The following SNAP91 variants were observed in gnomAD, a reference collection of about 807,000 sequenced individuals.
SNAP91 encodes the protein synaptosome associated protein 91.
SNAP91 carries 27 observed loss-of-function variants against 100.3 expected under a neutral mutation model. That is an observed-to-expected ratio of 0.27 (90% confidence interval 0.20 to 0.37). The LOEUF (loss-of-function observed/expected upper bound fraction) is 0.37. Among genes scored for constraint, SNAP91 ranks in the 10% least tolerant of loss-of-function variants. The pLI, the probability that SNAP91 is intolerant of heterozygous loss-of-function variation, is 1.00. For missense variants in SNAP91, 986 were observed against 1,123.7 expected, an observed-to-expected ratio of 0.88 and a Z score of 1.75; for synonymous variants, 404 against 398.6, an observed-to-expected ratio of 1.01 and a Z score of -0.16.
At chr6:83,561,986 A>T (rs1788578636) in intron 26 of SNAP91, among the ~76,000 whole-genome samples, 1 of 152,200 alleles carries the variant, frequency 6.6e-6, no homozygotes, top group Admixed American at 6.5e-5. Context: ...TAATAGCACC[A>T]CTGTACTTCA....
chr6:83,580,902 A>G (rs59418841), intron 23 of SNAP91, among the ~76,000 whole-genome samples: 6,413 of 152,316 alleles, frequency 0.042, 423 homozygotes, highest in East Asian at 0.19. Flanking sequence ...GACTTTAAGA[A>G]AGTTACTCTC....
intron 8 of SNAP91, among the ~76,000 whole-genome samples, chr6:83,640,520 C>A (rs770347689): frequency 6.6e-6 from 1 of 151,970 alleles, no homozygotes; most frequent in Admixed American, 6.6e-5. Context: ...AGAGAAAATA[C>A]CAATTCACAA....
chr6:83,644,018 A>G (rs1230569898), intron 7 of SNAP91, among the ~76,000 whole-genome samples: 3 of 152,168 alleles, frequency 2.0e-5, no homozygotes, highest in African/African-American at 7.2e-5. Context: ...TTCTGGCAAA[A>G]CATACTTTTT....
intron 11 of SNAP91, among the ~76,000 whole-genome samples, chr6:83,613,579 G>C (rs964389406): frequency 1.3e-5 from 2 of 152,116 alleles, no homozygotes. Context: ...TCCCAGGCTC[G>C]GAGAGGTTAA....
At chr6:83,662,135 G>A (rs535354492) in intron 4 of SNAP91, among the ~76,000 whole-genome samples, 114 of 151,954 alleles carry the variant, frequency 7.5e-4, no homozygotes, top group Non-Finnish European at 1.4e-3. Context: ...ACTTTTTAAG[G>A]TAAACGTGGT....
intron 11 of SNAP91, among the ~76,000 whole-genome samples, chr6:83,613,798 T>C (rs1485609323): frequency 6.6e-6 from 1 of 152,238 alleles, no homozygotes; most frequent in Admixed American, 6.5e-5. Flanking sequence ...GTCATTGCCC[T>C]TTAGGAAAGA....
intron 16 of SNAP91, among the ~76,000 whole-genome samples, chr6:83,598,841 A>C (rs2094822777): frequency 6.6e-6 from 1 of 152,196 alleles, no homozygotes; most frequent in South Asian, 2.1e-4. Flanking sequence ...GAAAATCACA[A>C]AACAGATAAT....
chr6:83,684,259 T>C (rs2099030431), intron 2 of SNAP91, among the ~76,000 whole-genome samples: 1 of 152,266 alleles, frequency 6.6e-6, no homozygotes, highest in Non-Finnish European at 1.5e-5. Flanking sequence ...ACTCAAATCA[T>C]GCTCTGAATT....
At chr6:83,708,110 G>T in intron 1 of SNAP91, 153 bp from the exon 2 acceptor site, 1 of 632,978 alleles carries the variant, frequency 1.6e-6, no homozygotes, top group Non-Finnish European at 2.5e-6. Context: ...GCCAAGCCCC[G>T]CTCCTGCGAT....
intron 2 of SNAP91, chr6:83,678,987 G>C: frequency 1.5e-6 from 1 of 677,418 alleles, no homozygotes; most frequent in Non-Finnish European, 2.0e-6. Context: ...TATCCACAAG[G>C]TCCACATCCT....
At chr6:83,637,071 C>T (rs1002651142) in intron 8 of SNAP91, among the ~76,000 whole-genome samples, 1 of 152,134 alleles carries the variant, frequency 6.6e-6, no homozygotes, top group South Asian at 2.1e-4. Flanking sequence ...GACATCAGGG[C>T]CAGCAGATAT....
intron 26 of SNAP91, 100 bp downstream of exon 26, chr6:83,574,910 A>C: frequency 1.4e-6 from 1 of 704,730 alleles, no homozygotes; most frequent in Non-Finnish European, 2.4e-6. Flanking sequence ...CAGAGGAATA[A>C]GTACACCGTC....
At chr6:83,556,071 G>A in intron 29 of SNAP91, 72 bp downstream of exon 29, 3 of 771,068 alleles carry the variant, frequency 3.9e-6, no homozygotes, top group East Asian at 2.8e-5. Flanking sequence ...GAAATAATGA[G>A]TACCTCTGAA....
chr6:83,593,696 A>G lies in SNAP91; in HGVS notation c.1478T>C (p.Leu493Pro). 1.2e-6 allele frequency: 2 copies of G among 1,608,132 alleles called. 1 individual carries two copies. The highest frequency in any genetic ancestry group is 2.2e-5 in the South Asian group (2 of 90,764). Residue 493 changes from leucine to proline, a missense_variant, in exon 18 of 30, where the codon CTG (leucine) becomes CCG (proline). Leu to Pro is a moderately conservative substitution (Grantham distance 98). This residue lies in a region of SNAP91 where 575 missense variants were observed against 579.9 expected (regional missense o/e 0.99). Transcript: ENST00000369694. ...AGGTGGCTTCATTGCAAAGAGGTCC[A>G]GCTCAGGTGCAGCCTCTGCACTACC... ...SEGSAEAAPE[L>P]DLFAMKPPET...
At chr6:83,610,309 C>T (rs1583585405) in intron 12 of SNAP91, among the ~76,000 whole-genome samples, 1 of 151,852 alleles carries the variant, frequency 6.6e-6, no homozygotes, top group Admixed American at 6.6e-5. Flanking sequence ...CATGGTACAA[C>T]ATGGCTGAAC....
At chr6:83,647,778 T>A (rs912359860) in intron 7 of SNAP91, among the ~76,000 whole-genome samples, 1 of 152,158 alleles carries the variant, frequency 6.6e-6, no homozygotes, top group African/African-American at 2.4e-5. Context: ...GCAAGGTACA[T>A]GTCAGTCCAT....
intron 1 of SNAP91, chr6:83,708,251 C>A (rs987459455): frequency 7.0e-6 from 2 of 285,558 alleles, no homozygotes; most frequent in South Asian, 1.4e-4. Context: ...CCCTGGGGAC[C>A]CCCCTGTCAA....
chr6:83,695,935 T>G (rs1392718165), intron 2 of SNAP91, among the ~76,000 whole-genome samples: 3 of 116,424 alleles, frequency 2.6e-5, no homozygotes, highest in African/African-American at 3.2e-5. Flanking sequence ...AGAATTATTG[T>G]GGGGAGGGGG....
At chr6:83,614,064 AAATAG>A (rs2096323352) in intron 11 of SNAP91, among the ~76,000 whole-genome samples, 1 of 152,216 alleles carries the variant, frequency 6.6e-6, no homozygotes, top group Non-Finnish European at 1.5e-5. Flanking sequence ...GGAAGCTGTC[AAATAG>A]AATATTTTGT....
Sources: gnomAD v4.1 joint callset for allele counts (sites outside exome capture counted in the v4.1 genomes callset) on GRCh38, gnomAD v4.1.1 for gene constraint, gnomAD v4.1.1 regional missense constraint, MANE v1.5 for transcripts, NCBI Gene and HGNC (gene_info 2026-07-23, HGNC 2026-07-21) for gene names.